The following WWOX variants were observed in gnomAD, a reference collection of about 807,000 sequenced individuals.
The protein encoded by WWOX is WW domain containing oxidoreductase.
WWOX carries 69 observed loss-of-function variants against 46.2 expected under a neutral mutation model. The ratio of observed to expected loss-of-function variants is 1.49; its 90% confidence interval spans 1.23 to 1.82. The LOEUF is 1.82. Ranked by LOEUF, WWOX falls within the 40% of genes most tolerant of loss-of-function variation. The pLI, the probability that WWOX is intolerant of heterozygous loss-of-function variation, is 0.00. For missense variants in WWOX, 919 were observed against 542.6 expected, an observed-to-expected ratio of 1.69 and a Z score of -6.89; for synonymous variants, 359 against 202.6, an observed-to-expected ratio of 1.77 and a Z score of -6.56.
chr16:78,162,333 C>T (rs991530889), intron 4 of WWOX, among the ~76,000 whole-genome samples: 1 of 152,134 alleles, frequency 6.6e-6, no homozygotes, highest in Non-Finnish European at 1.5e-5. Flanking sequence ...ACTTCTAAAA[C>T]TATCTGCAGT....
At chr16:79,073,893 A>G (rs1348570353) in intron 8 of WWOX, among the ~76,000 whole-genome samples, 2 of 151,892 alleles carry the variant, frequency 1.3e-5, no homozygotes, top group Non-Finnish European at 2.9e-5. Context: ...ATGGGCTTAT[A>G]TTTTGTATGT....
At chr16:78,318,976 A>T (rs1181463992) in intron 5 of WWOX, among the ~76,000 whole-genome samples, 1 of 152,174 alleles carries the variant, frequency 6.6e-6, no homozygotes, top group Non-Finnish European at 1.5e-5. Context: ...ATGGAAGAGG[A>T]AAATTAAGAT....
chr16:78,261,270 G>A (rs997206984), intron 5 of WWOX, among the ~76,000 whole-genome samples: 14 of 124,808 alleles, frequency 1.1e-4, no homozygotes, highest in Non-Finnish European at 2.2e-4. Context: ...AAGGTAGATA[G>A]ATAGATAGAT....
intron 5 of WWOX, among the ~76,000 whole-genome samples, chr16:78,241,588 G>A (rs895341342): frequency 2.6e-5 from 4 of 152,188 alleles, no homozygotes; most frequent in East Asian, 1.9e-4. Flanking sequence ...ACAGGCATGT[G>A]CTACCATGCC....
chr16:78,629,968 A>G (rs1330238700), intron 8 of WWOX, among the ~76,000 whole-genome samples: 1 of 152,124 alleles, frequency 6.6e-6, no homozygotes, highest in African/African-American at 2.4e-5. Flanking sequence ...CTTTTCCAGC[A>G]ACTGTATTTG....
intron 8 of WWOX, among the ~76,000 whole-genome samples, chr16:79,064,788 G>A (rs1357892649): frequency 1.3e-5 from 2 of 152,244 alleles, no homozygotes; most frequent in Admixed American, 6.5e-5. Context: ...AGCACTGGGT[G>A]TGAGGAAGGA....
chr16:78,669,136 A>G (rs989976195), intron 8 of WWOX, among the ~76,000 whole-genome samples: 8 of 152,110 alleles, frequency 5.3e-5, no homozygotes, highest in African/African-American at 1.9e-4. Flanking sequence ...CCCCATCTCC[A>G]CCACAAGGAA....
chr16:78,609,809 C>G (rs1327002377), intron 8 of WWOX, among the ~76,000 whole-genome samples: 1 of 152,202 alleles, frequency 6.6e-6, no homozygotes, highest in African/African-American at 2.4e-5. Context: ...TTTTCCAAAG[C>G]TATCTGCTAA....
At chr16:78,726,192 CCTTCCTTCCTTCCTTCTTTT>C (rs1025824277) in intron 8 of WWOX, among the ~76,000 whole-genome samples, 38 of 144,688 alleles carry the variant, frequency 2.6e-4, no homozygotes, top group African/African-American at 9.7e-4. Context: ...CTCTCTCTTT[CCTTCCTTCCTTCCTTCTTTT>C]CTTCCTTCCT....
intron 8 of WWOX, among the ~76,000 whole-genome samples, chr16:78,623,567 C>T (rs1395441282): frequency 3.3e-5 from 5 of 151,920 alleles, no homozygotes; most frequent in African/African-American, 1.2e-4. Flanking sequence ...GTAGTCCCAG[C>T]GACTTGAGAG....
intron 7 of WWOX, among the ~76,000 whole-genome samples, chr16:78,430,813 C>G (rs1006586672): frequency 6.6e-6 from 1 of 152,160 alleles, no homozygotes; most frequent in Non-Finnish European, 1.5e-5. Flanking sequence ...GTCACCGAGT[C>G]CTGTGGAAGG....
intron 8 of WWOX, among the ~76,000 whole-genome samples, chr16:79,210,062 C>G (rs2051667931): frequency 6.6e-6 from 1 of 152,166 alleles, no homozygotes; most frequent in Admixed American, 6.5e-5. Flanking sequence ...AAATTCAGGA[C>G]CAGTGGAACT....
intron 8 of WWOX, among the ~76,000 whole-genome samples, chr16:79,104,001 C>T (rs1453453058): frequency 8.6e-6 from 1 of 115,834 alleles, no homozygotes; most frequent in Non-Finnish European, 1.6e-5. Context: ...CAATCCTGAG[C>T]AAAGGTAGGC....
At chr16:78,556,034 C>G (rs1012331693) in intron 8 of WWOX, among the ~76,000 whole-genome samples, 11 of 152,102 alleles carry the variant, frequency 7.2e-5, no homozygotes, top group African/African-American at 2.7e-4. Flanking sequence ...GGAGGTCCAG[C>G]CAGGCCCGGG....
chr16:78,802,772 C>T lies in WWOX; in HGVS notation c.1056+370020C>T, dbSNP rs543412213. On this transcript the variant is annotated intron_variant, in intron 8 of 8. Coordinates refer to ENST00000566780, the MANE Select transcript of WWOX (RefSeq NM_016373.4). The stretch of plus-strand genomic sequence containing the variant: ...CTCTACTAAAAATAGAGAAGTTAGC[C>T]AGGTGTGGTGGTGGGCGCCTGTAAT... Among the ~76,000 whole-genome samples the T allele has an allele frequency of 6.6e-5, 10 of 151,294 alleles. No homozygotes were observed. In the East Asian group the frequency reaches 2.0e-3, roughly 30 times the overall value.
intron 8 of WWOX, among the ~76,000 whole-genome samples, chr16:78,540,530 C>G (rs151064345): frequency 5.3e-5 from 8 of 152,110 alleles, no homozygotes; most frequent in Admixed American, 1.3e-4. Context: ...AGATAAACAA[C>G]ATGTCATTTT....
chr16:79,096,111 G>T (rs112959475), intron 8 of WWOX, among the ~76,000 whole-genome samples: 2 of 142,078 alleles, frequency 1.4e-5, no homozygotes, highest in Non-Finnish European at 3.0e-5. Context: ...CAACTGATCC[G>T]CCTGCCTCGG....
chr16:78,527,296 C>CTTT (rs368608216), intron 8 of WWOX, among the ~76,000 whole-genome samples: 17 of 138,632 alleles, frequency 1.2e-4, no homozygotes, highest in East Asian at 4.2e-4. Flanking sequence ...TTTTTTCTTT[C>CTTT]TTTTTTTTTT....
chr16:78,836,668 G>C (rs148224453), intron 8 of WWOX, among the ~76,000 whole-genome samples: 101 of 152,276 alleles, frequency 6.6e-4, no homozygotes, highest in African/African-American at 2.4e-3. Context: ...CATTTGCGGG[G>C]TGTAGAAAAT....
Sources: gnomAD v4.1 joint callset for allele counts (sites outside exome capture counted in the v4.1 genomes callset) on GRCh38, gnomAD v4.1.1 for gene constraint, MANE v1.5 for transcripts, NCBI Gene and HGNC (gene_info 2026-07-23, HGNC 2026-07-21) for gene names.